The following CCDC110 variants were observed in gnomAD, a reference collection of about 807,000 sequenced individuals.
The protein encoded by CCDC110 is coiled-coil domain-containing protein 110.
In CCDC110, 70 loss-of-function variants were observed where a neutral mutation model predicts 77.1. The ratio of observed to expected loss-of-function variants is 0.91; its 90% CI spans 0.75 to 1.11. The LOEUF (loss-of-function observed/expected upper bound fraction) is 1.11. Ranked by LOEUF, CCDC110 falls within the 50% of genes least tolerant of loss-of-function variation. CCDC110 has a pLI of 0.00. For synonymous variants in CCDC110, 295 were observed against 312.5 expected, an observed-to-expected ratio of 0.94 and a Z score of 0.59; for missense variants, 868 against 942.9, an observed-to-expected ratio of 0.92 and a Z score of 1.04.
At chr4:185,458,034 TAA>T in intron 6 of CCDC110, 90 bp downstream of exon 6, 1 of 874,448 alleles carries the variant, frequency 1.1e-6, no homozygotes, top group Non-Finnish European at 1.6e-6. Flanking sequence ...GTATTCATTT[TAA>T]AGTTTCCTCC....
intron 4 of CCDC110, among the ~76,000 whole-genome samples, chr4:185,462,227 G>T (rs967971161): frequency 6.6e-6 from 1 of 152,194 alleles, no homozygotes; most frequent in Non-Finnish European, 1.5e-5. Context: ...AGGATACAGA[G>T]TGAGACCTAT....
intron 2 of CCDC110, among the ~76,000 whole-genome samples, chr4:185,466,249 C>T (rs1162381348): frequency 6.6e-6 from 1 of 152,074 alleles, no homozygotes; most frequent in Non-Finnish European, 1.5e-5. Context: ...GTGGCATGTG[C>T]CTGTAATCCC....
intron 2 of CCDC110, among the ~76,000 whole-genome samples, chr4:185,466,815 G>C (rs1038340646): frequency 5.9e-5 from 9 of 152,092 alleles, no homozygotes; most frequent in Admixed American, 5.2e-4. Flanking sequence ...AGTAGAAAGG[G>C]AGAAAAGCAA....
intron 2 of CCDC110, among the ~76,000 whole-genome samples, chr4:185,464,629 G>A (rs2095652252): frequency 6.6e-6 from 1 of 152,110 alleles, no homozygotes; most frequent in Non-Finnish European, 1.5e-5. Context: ...TGCAAATCGG[G>A]AAGAATATAC....
intron 4 of CCDC110, among the ~76,000 whole-genome samples, chr4:185,462,295 AG>A (rs2095647883): frequency 6.6e-6 from 1 of 152,196 alleles, no homozygotes; most frequent in Admixed American, 6.5e-5. Context: ...AGCTCTCTCC[AG>A]GACTTTCATT....
chr4:185,458,204 C>G lies in CCDC110; in HGVS notation c.2383G>C (p.Glu795Gln), dbSNP rs1341230146. The change falls in exon 6 of 7, where the codon GAG (glutamate) becomes CAG (glutamine). Residue 795 changes from glutamate (E) to glutamine (Q), a missense_variant. Transcript: ENST00000307588. ...PSKTTYISRREKFHFDNYTHE... is the reference protein window; with the variant it reads ...PSKTTYISRRQKFHFDNYTHE... The stretch of plus-strand genomic sequence containing the variant: ...GTATAGTTGTCAAAATGGAATTTCT[C>G]TCTTCTTGAAATGTAAGTTGTTTTT... The G allele has an allele frequency of 3.7e-6, 6 of 1,606,530 alleles. No homozygotes were observed. Among genetic ancestry groups the G allele is most frequent in the South Asian group, 1.1e-5 (1 of 89,178 alleles).
At chr4:185,470,018 G>C (rs1414394272) in intron 2 of CCDC110, among the ~76,000 whole-genome samples, 2 of 152,160 alleles carry the variant, frequency 1.3e-5, no homozygotes, top group African/African-American at 4.8e-5. Context: ...TCCTCTGAGA[G>C]GCGTGTAGTC....
chr4:185,454,768 C>T (rs953761292), intron 6 of CCDC110, among the ~76,000 whole-genome samples: 6 of 151,990 alleles, frequency 3.9e-5, no homozygotes, highest in Admixed American at 2.6e-4. Context: ...CTAAGCTTTG[C>T]TGTTGTTGTT....
At chr4:185,467,261 G>A (rs2095657928) in intron 2 of CCDC110, among the ~76,000 whole-genome samples, 1 of 152,170 alleles carries the variant, frequency 6.6e-6, no homozygotes, top group African/African-American at 2.4e-5. Context: ...GAGTAGGCAG[G>A]GAGTCGGATT....
intron 2 of CCDC110, 180 bp downstream of exon 2, chr4:185,470,765 G>GAATT (rs768454012): frequency 5.7e-5 from 39 of 687,456 alleles, no homozygotes; most frequent in Non-Finnish European, 9.9e-5. Flanking sequence ...AGTGTTGTGA[G>GAATT]AATTAAACAG....
rs954587063 is a variant in CCDC110 at position 185,458,839 on chromosome 4, T to A, written c.1748A>T (p.Asp583Val). ...AMKTNILLIQ[D>V]EKEMLEKKTH... ...TTTTTTCTCTAACATTTCTTTTTCA[T>A]CTTGTATCAACAGAATATTGGTTTT... Residue 583 changes from aspartate to valine, a missense_variant, in exon 6 of 7, where the codon GAT becomes GTT. Transcript: ENST00000307588. 6.2e-7 allele frequency: 1 copy of A among 1,605,398 alleles called. No individual in the cohort carries two copies.
At chr4:185,464,823 A>T (rs915546398) in intron 2 of CCDC110, among the ~76,000 whole-genome samples, 1 of 152,206 alleles carries the variant, frequency 6.6e-6, no homozygotes, top group African/African-American at 2.4e-5. Context: ...AGTGGAAATT[A>T]TTTCTAGTAT....
At chr4:185,456,982 C>T (rs2095636823) in intron 6 of CCDC110, among the ~76,000 whole-genome samples, 1 of 152,116 alleles carries the variant, frequency 6.6e-6, no homozygotes, top group African/African-American at 2.4e-5. Flanking sequence ...AGACCAACAT[C>T]CTTCTGAATA....
Position 185,459,260 on chromosome 4 carries a change from T to TC in CCDC110, c.1326dup (p.Lys443GlufsTer9), listed in dbSNP as rs748246044. 1.3e-5 allele frequency: 21 copies of TC among 1,612,310 alleles called. No homozygotes were observed. Among genetic ancestry groups the TC allele is most frequent in the Non-Finnish European group, 1.8e-5 (21 of 1,179,456 alleles). On this transcript the variant is annotated frameshift_variant, in exon 6 of 7. Transcript: ENST00000307588. LOFTEE classifies it high-confidence loss of function. The stretch of plus-strand genomic sequence containing the variant: ...TCACTCTCCAGTTCCATTACTTTTT[T>TC]CTGTATCTGCACAGATTCTTTTAGG...
In CCDC110 at chr4:185,458,583, G is replaced by A. The variant is rs1421583074; in HGVS notation, c.2004C>T (p.Tyr668=). ...MEREIENIQT[Y]QSTAEENFLQ... Reference sequence around the variant, plus strand: ...GAAAATTCTCTTCGGCAGTAGATTGGTAGGTTTGAATATTCTCAATTTCTC... The same window carrying A: ...GAAAATTCTCTTCGGCAGTAGATTGATAGGTTTGAATATTCTCAATTTCTC... The change falls in exon 6 of 7, where the codon TAC becomes TAT. Residue 668 remains tyrosine, a synonymous_variant. Transcript: ENST00000307588. The A allele has an allele frequency of 3.1e-6, 5 of 1,607,892 alleles. No homozygotes were observed. In the African/African-American group the frequency reaches 5.3e-5, roughly 17 times the overall value.
intron 1 of CCDC110, 98 bp downstream of exon 1, chr4:185,471,576 G>T: frequency 2.2e-6 from 3 of 1,349,140 alleles, no homozygotes; most frequent in Non-Finnish European, 3.1e-6. Flanking sequence ...GACCCGGGAT[G>T]TCCCGGGTTT....
intron 6 of CCDC110, chr4:185,457,681 G>T: frequency 1.2e-6 from 1 of 823,112 alleles, no homozygotes; most frequent in Non-Finnish European, 1.7e-6. Flanking sequence ...TCAATTACCA[G>T]GTTAATGTAA....
intron 6 of CCDC110, among the ~76,000 whole-genome samples, chr4:185,452,013 TA>T (rs1369051848): frequency 1.6e-4 from 25 of 152,214 alleles, no homozygotes; most frequent in African/African-American, 6.0e-4. Flanking sequence ...AATAGTGAAA[TA>T]TGTAAAACAA....
chr4:185,466,380 A>G (rs941967428), intron 2 of CCDC110, among the ~76,000 whole-genome samples: 5 of 152,016 alleles, frequency 3.3e-5, no homozygotes, highest in African/African-American at 1.2e-4. Context: ...CATCTAAAAT[A>G]AATAAATAAA....
Sources: allele counts gnomAD v4.1 joint callset (sites outside exome capture counted in the v4.1 genomes callset), GRCh38; gene constraint gnomAD v4.1.1; transcripts MANE v1.5; gene names NCBI Gene and HGNC (gene_info 2026-07-23, HGNC 2026-07-21).